Variants in PLEKHA5 observed in about 807,000 individuals in gnomAD.
The protein encoded by PLEKHA5 is pleckstrin homology domain-containing family A member 5.
A neutral mutation model predicts 181.9 loss-of-function variants in PLEKHA5; 55 were observed. That is an observed-to-expected ratio of 0.30 (90% confidence interval 0.24 to 0.38). The LOEUF (loss-of-function observed/expected upper bound fraction) is 0.38. PLEKHA5 is among the 10% of genes least tolerant of loss of function. The pLI, the probability that PLEKHA5 is intolerant of heterozygous loss-of-function variation, is 1.00. For synonymous variants in PLEKHA5, 535 were observed against 529.4 expected (o/e 1.01, Z -0.15); for missense variants, 1,432 against 1,549.5 (o/e 0.92, Z 1.27).
chr12:19,217,234 G>GCATT (rs2058132880), intron 3 of PLEKHA5, among the ~76,000 whole-genome samples: 1 of 152,158 alleles, frequency 6.6e-6, no homozygotes, highest in Non-Finnish European at 1.5e-5. Flanking sequence ...TATGTGTTAA[G>GCATT]CATTATTCTC....
intron 3 of PLEKHA5, among the ~76,000 whole-genome samples, chr12:19,223,604 A>T (rs763880058): frequency 1.3e-5 from 2 of 152,278 alleles, no homozygotes; most frequent in East Asian, 3.9e-4. Flanking sequence ...ATTTTTAGGT[A>T]TGTTGTGAGC....
At chr12:19,305,422 A>G (rs2082961431) in intron 15 of PLEKHA5, among the ~76,000 whole-genome samples, 1 of 151,968 alleles carries the variant, frequency 6.6e-6, no homozygotes, top group African/African-American at 2.4e-5. Flanking sequence ...TTAGCCTGAC[A>G]GGGTGATGAG....
intron 27 of PLEKHA5, 127 bp downstream of exon 27, chr12:19,358,564 TCTC>T (rs2095068497): frequency 1.6e-6 from 1 of 624,460 alleles, no homozygotes; most frequent in East Asian, 2.8e-5. Flanking sequence ...ATTATTTAAT[TCTC>T]CTAATAATAA....
intron 3 of PLEKHA5, among the ~76,000 whole-genome samples, chr12:19,169,311 T>A (rs2045354754): frequency 6.6e-6 from 1 of 151,714 alleles, no homozygotes; most frequent in Non-Finnish European, 1.5e-5. Flanking sequence ...ATAGATAAAT[T>A]AAGTTAGTGT....
chr12:19,271,980 G>A (rs367621406), intron 10 of PLEKHA5, among the ~76,000 whole-genome samples: 33 of 152,264 alleles, frequency 2.2e-4, no homozygotes, highest in East Asian at 1.5e-3. Flanking sequence ...TGTTTGCTTG[G>A]TTTTAAGCTA....
chr12:19,290,789 G>A lies in PLEKHA5; in HGVS notation c.1976G>A (p.Ser659Asn). 1 of 1,533,294 alleles carries A rather than the reference G, an allele frequency of 6.5e-7. No individual in the cohort carries two copies. The highest frequency in any genetic ancestry group is 8.7e-7 in the Non-Finnish European group (1 of 1,144,592). The allele number at this position is 1,533,294 out of a possible 1,614,324, so 95.0% of individuals were successfully genotyped here. The change falls in exon 14 of 32, where the codon AGC becomes AAC. Residue 659 changes from serine to asparagine, a missense_variant. Coordinates refer to ENST00000429027, the MANE Select transcript of PLEKHA5 (RefSeq NM_001256470.2). ...ATGCAGCTAAAGCTTGAGGCCCACA[G>A]CCCAAAGGTCAGCTATGGAGAGATT... ...QLMQLKLEAH[S>N]PKNEILSHHL...
intron 3 of PLEKHA5, among the ~76,000 whole-genome samples, chr12:19,141,361 C>T (rs1477217702): frequency 2.0e-5 from 3 of 152,190 alleles, no homozygotes; most frequent in Non-Finnish European, 2.9e-5. Context: ...GCCTGCTAGT[C>T]TTCAGTCATT....
At chr12:19,334,308 C>T (rs1456573387) in intron 20 of PLEKHA5, among the ~76,000 whole-genome samples, 1 of 152,158 alleles carries the variant, frequency 6.6e-6, no homozygotes, top group Non-Finnish European at 1.5e-5. Context: ...CAGGACTCTC[C>T]AGGTTAGGAA....
intron 3 of PLEKHA5, among the ~76,000 whole-genome samples, chr12:19,221,514 T>C (rs2058926736): frequency 6.6e-6 from 1 of 152,102 alleles, no homozygotes; most frequent in Admixed American, 6.5e-5. Flanking sequence ...CAGGAGAGTT[T>C]ATGGTGGTGA....
chr12:19,270,269 T>C, intron 10 of PLEKHA5, 64 bp downstream of exon 10: 4 of 878,594 alleles, frequency 4.6e-6, no homozygotes, highest in Admixed American at 3.4e-5. Flanking sequence ...GATAGTGTTT[T>C]TAAGATTCTA....
intron 3 of PLEKHA5, among the ~76,000 whole-genome samples, chr12:19,177,061 T>C (rs2047468905): frequency 6.6e-6 from 1 of 151,926 alleles, no homozygotes; most frequent in Non-Finnish European, 1.5e-5. Flanking sequence ...GGAGACAGGG[T>C]TTCACCATGT....
At chr12:19,192,776 G>T (rs1156916479) in intron 3 of PLEKHA5, among the ~76,000 whole-genome samples, 1 of 152,168 alleles carries the variant, frequency 6.6e-6, no homozygotes. Flanking sequence ...AAGTGAAATT[G>T]ATCTAGTAAA....
intron 3 of PLEKHA5, among the ~76,000 whole-genome samples, chr12:19,179,501 A>G (rs1263090257): frequency 6.6e-6 from 1 of 151,982 alleles, no homozygotes; most frequent in African/African-American, 2.4e-5. Context: ...TTTACTAACA[A>G]ATAACAAAAT....
chr12:19,369,520 T>C (rs890107391), intron 30 of PLEKHA5, among the ~76,000 whole-genome samples, 173 bp from the exon 31 acceptor site: 5 of 134,124 alleles, frequency 3.7e-5, no homozygotes, highest in African/African-American at 1.3e-4. Flanking sequence ...TCTCAATTAA[T>C]AAAAATTTGT....
At chr12:19,283,937 A>G (rs1824405003) in intron 12 of PLEKHA5, among the ~76,000 whole-genome samples, 192 bp downstream of exon 12, 1 of 152,204 alleles carries the variant, frequency 6.6e-6, no homozygotes, top group Admixed American at 6.5e-5. Flanking sequence ...ACCTAATTGC[A>G]ACACTTCATC....
intron 3 of PLEKHA5, among the ~76,000 whole-genome samples, chr12:19,172,691 T>C (rs1204567457): frequency 6.6e-6 from 1 of 152,186 alleles, no homozygotes; most frequent in South Asian, 2.1e-4. Flanking sequence ...TACGAACTCA[T>C]TGGATCTTTG....
chr12:19,331,684 A>G (rs1215332920), intron 20 of PLEKHA5, among the ~76,000 whole-genome samples: 1 of 152,132 alleles, frequency 6.6e-6, no homozygotes, highest in East Asian at 1.9e-4. Flanking sequence ...AGTAAGCACT[A>G]TTAAAATTTA....
chr12:19,358,364 T>A lies in PLEKHA5; in HGVS notation c.3275T>A (p.Val1092Asp). The A allele has an allele frequency of 6.2e-7, 1 of 1,613,922 alleles. No homozygotes were observed. The highest frequency in any genetic ancestry group is 8.5e-7 in the Non-Finnish European group (1 of 1,179,880). The change falls in exon 27 of 32, where the codon GTT becomes GAT. Residue 1092 changes from valine (V) to aspartate (D), a missense_variant. Coordinates refer to ENST00000429027, the MANE Select transcript of PLEKHA5 (RefSeq NM_001256470.2). ...AGGGAGAAGAAAAAAGGGTTAAATG[T>A]TATCGGTGCTTCAGACCAGTCACCC... ...CLREKKKGLN[V>D]IGASDQSPLQ...
intron 28 of PLEKHA5, among the ~76,000 whole-genome samples, chr12:19,360,931 GTTA>G (rs2095212098): frequency 6.6e-6 from 1 of 151,726 alleles, no homozygotes; most frequent in Admixed American, 6.6e-5. Context: ...AATTTTTTGT[GTTA>G]TTAGTAGAGA....
Sources: gnomAD v4.1 joint callset for allele counts (sites outside exome capture counted in the v4.1 genomes callset) on GRCh38, gnomAD v4.1.1 for gene constraint, MANE v1.5 for transcripts, NCBI Gene and HGNC (gene_info 2026-07-23, HGNC 2026-07-21) for gene names.